Variants in MCC observed in about 807,000 individuals in gnomAD.
MCC encodes colorectal mutant cancer protein.
MCC carries 90 observed loss-of-function variants against 116.2 expected under a neutral mutation model. The ratio of observed to expected loss-of-function variants is 0.77; its 90% CI spans 0.65 to 0.92. The LOEUF (loss-of-function observed/expected upper bound fraction) is 0.92. Ranked by LOEUF, MCC falls within the 40% of genes least tolerant of loss-of-function variation. MCC has a pLI of 0.00. For missense variants in MCC, 1,516 were observed against 1,312.2 expected (o/e 1.16, Z -2.40); for synonymous variants, 578 against 510.5 (o/e 1.13, Z -1.78).
chr5:113,263,447 C>T (rs1281007697), intron 3 of MCC, among the ~76,000 whole-genome samples: 1 of 152,164 alleles, frequency 6.6e-6, no homozygotes, highest in African/African-American at 2.4e-5. Flanking sequence ...TTCACTTGGA[C>T]AGCTGAAGAG....
intron 2 of MCC, among the ~76,000 whole-genome samples, chr5:113,374,141 C>T (rs1432691833): frequency 1.3e-5 from 2 of 152,104 alleles, no homozygotes; most frequent in Non-Finnish European, 2.9e-5. Flanking sequence ...AATCTGACCA[C>T]CTCGGCCTCC....
intron 3 of MCC, among the ~76,000 whole-genome samples, chr5:113,248,617 C>A (rs937561649): frequency 1.3e-5 from 2 of 152,042 alleles, no homozygotes; most frequent in Non-Finnish European, 2.9e-5. Context: ...GTTGAAACCC[C>A]GGTTGACCCT....
At chr5:113,393,043 A>G (rs757581030) in intron 1 of MCC, among the ~76,000 whole-genome samples, 1 of 151,596 alleles carries the variant, frequency 6.6e-6, no homozygotes, top group Non-Finnish European at 1.5e-5. Flanking sequence ...TTAAAAATAT[A>G]CAAACAATGC....
chr5:113,450,425 G>C lies in MCC; in HGVS notation c.170+37820C>G, dbSNP rs867425703. Among the ~76,000 whole-genome samples the C allele has an allele frequency of 1.8e-4, 27 of 152,208 alleles. No individual in the cohort carries two copies. The Middle Eastern group carries it at 0.014, about 77-fold the overall frequency. On this transcript the variant is annotated intron_variant, in intron 1 of 18. Transcript: ENST00000408903. ...ACCCGGGAGCTTGAGGTAGTTCTTT[G>C]GCAAATATAGCTGCCTTTGACTGAT...
chr5:113,232,255 C>A (rs901626383), intron 3 of MCC, among the ~76,000 whole-genome samples: 1 of 152,152 alleles, frequency 6.6e-6, no homozygotes, highest in East Asian at 1.9e-4. Context: ...TTCAGATTTG[C>A]ATTTCTGCTT....
chr5:113,374,536 T>C (rs1768934446), intron 2 of MCC, among the ~76,000 whole-genome samples: 1 of 152,220 alleles, frequency 6.6e-6, no homozygotes, highest in Admixed American at 6.5e-5. Flanking sequence ...ACAGACCGAC[T>C]TACGCCCGAG....
chr5:113,407,344 G>C (rs936001149), intron 1 of MCC, among the ~76,000 whole-genome samples: 1 of 152,216 alleles, frequency 6.6e-6, no homozygotes, highest in Non-Finnish European at 1.5e-5. Context: ...GCATTAGGCA[G>C]AGTGGAAAGC....
chr5:113,367,191 AAAT>A (rs150239227), intron 2 of MCC, among the ~76,000 whole-genome samples: 6,072 of 152,250 alleles, frequency 0.04, 396 homozygotes, highest in African/African-American at 0.14. Flanking sequence ...TTCATTATGT[AAAT>A]AATGAATATG....
chr5:113,149,791 C>T (rs946276342), intron 4 of MCC, among the ~76,000 whole-genome samples: 3 of 152,084 alleles, frequency 2.0e-5, no homozygotes, highest in Non-Finnish European at 4.4e-5. Context: ...CATTGAACAA[C>T]AAAATACAAG....
At chr5:113,140,845 C>T (rs144566254) in intron 5 of MCC, among the ~76,000 whole-genome samples, 4 of 152,324 alleles carry the variant, frequency 2.6e-5, no homozygotes, top group Non-Finnish European at 5.9e-5. Flanking sequence ...AGTTCATCCA[C>T]GGTGCCTAGT....
chr5:113,165,914 C>T (rs960619006), intron 3 of MCC, among the ~76,000 whole-genome samples: 2 of 151,910 alleles, frequency 1.3e-5, no homozygotes, highest in African/African-American at 4.8e-5. Flanking sequence ...GCTTTCTGCC[C>T]CCAAAACATA....
chr5:113,379,135 A>C (rs895124009), intron 2 of MCC, among the ~76,000 whole-genome samples: 1 of 152,218 alleles, frequency 6.6e-6, no homozygotes, highest in African/African-American at 2.4e-5. Context: ...CATTTCTGGG[A>C]GTGGCCTCTG....
intron 2 of MCC, among the ~76,000 whole-genome samples, chr5:113,383,228 G>A (rs1581442191): frequency 6.6e-6 from 1 of 151,940 alleles, no homozygotes; most frequent in African/African-American, 2.4e-5. Flanking sequence ...ATTATTGGTT[G>A]GGGTGTTCCA....
intron 3 of MCC, among the ~76,000 whole-genome samples, chr5:113,265,231 C>T (rs73246617): frequency 0.022 from 3,357 of 152,224 alleles, 83 homozygotes; most frequent in African/African-American, 0.062. Flanking sequence ...GTCTGCTATG[C>T]CTCTGAGTAT....
intron 3 of MCC, among the ~76,000 whole-genome samples, chr5:113,169,169 G>A (rs1760933897): frequency 6.6e-6 from 1 of 152,050 alleles, no homozygotes; most frequent in African/African-American, 2.4e-5. Context: ...TGTTTTATAG[G>A]TAAGATGGGA....
rs1049789412 is a variant in MCC, at chr5:113,101,917, C to A, written c.1220G>T (p.Gly407Val). 11 of 1,613,900 alleles carry A rather than the reference C, an allele frequency of 6.8e-6. No individual in the cohort carries two copies. Among genetic ancestry groups the A allele is most frequent in the Non-Finnish European group, 7.6e-6 (9 of 1,180,026 alleles). The change falls in exon 8 of 19, where the codon GGC (glycine) becomes GTC (valine). Residue 407 changes from glycine to valine, a missense_variant. Gly to Val is a moderately radical substitution (Grantham distance 109, BLOSUM62 -3). Transcript: ENST00000408903. ...KTVEEIEGVL[G>V]RDLYPNLAEE... ...AGCCAGGTTGGGATACAGGTCCCGGCCAAGCACCCCCTCAATCTCCTCGAC... is the reference window on the plus strand; with the variant it reads ...AGCCAGGTTGGGATACAGGTCCCGGACAAGCACCCCCTCAATCTCCTCGAC...
intron 3 of MCC, among the ~76,000 whole-genome samples, chr5:113,260,843 C>A (rs1032949461): frequency 1.3e-5 from 2 of 151,942 alleles, no homozygotes; most frequent in Non-Finnish European, 2.9e-5. Flanking sequence ...CACAGGGTTG[C>A]AAATATGAGT....
chr5:113,109,820 G>C (rs925152192), intron 6 of MCC, among the ~76,000 whole-genome samples: 11 of 152,284 alleles, frequency 7.2e-5, no homozygotes, highest in African/African-American at 2.6e-4. Context: ...TGGAGAGCAA[G>C]AGAAGGAAGA....
intron 2 of MCC, among the ~76,000 whole-genome samples, chr5:113,378,731 T>A (rs1216047710): frequency 1.3e-5 from 2 of 152,194 alleles, no homozygotes; most frequent in Admixed American, 6.5e-5. Context: ...CCCTTTCACA[T>A]AATTCACATG....
Sources: gnomAD v4.1 joint callset for allele counts (sites outside exome capture counted in the v4.1 genomes callset) on GRCh38, gnomAD v4.1.1 for gene constraint, MANE v1.5 for transcripts, NCBI Gene and HGNC (gene_info 2026-07-23, HGNC 2026-07-21) for gene names.